COL14A1: variants seen among roughly 807,000 people sequenced by gnomAD.
COL14A1 encodes collagen type XIV alpha 1 chain, also known as collagen alpha-1(XIV) chain.
Under a neutral mutation model 230.3 loss-of-function variants are expected in COL14A1, and 136 were observed. That is an observed-to-expected ratio of 0.59 (90% confidence interval 0.51 to 0.68). The LOEUF is 0.68. Ranked by LOEUF, COL14A1 falls within the 30% of genes least tolerant of loss-of-function variation. The pLI is 0.00. For missense variants in COL14A1, 1,976 were observed against 2,215.8 expected (o/e 0.89, Z 2.17); for synonymous variants, 792 against 784.1 (o/e 1.01, Z -0.17).
chr8:120,172,601 G>A (rs1425721178), intron 5 of COL14A1, among the ~76,000 whole-genome samples: 1 of 152,142 alleles, frequency 6.6e-6, no homozygotes, highest in Admixed American at 6.5e-5. Flanking sequence ...CATTTTGGTT[G>A]CTACTAACCT....
At chr8:120,131,304 A>G (rs1010796506) in intron 1 of COL14A1, among the ~76,000 whole-genome samples, 1 of 151,774 alleles carries the variant, frequency 6.6e-6, no homozygotes, top group Admixed American at 6.6e-5. Context: ...TGCTTTCCAC[A>G]GTGGCTGAAC....
At chr8:120,342,770 C>T (rs991310245) in intron 44 of COL14A1, among the ~76,000 whole-genome samples, 3 of 152,144 alleles carry the variant, frequency 2.0e-5, no homozygotes, top group African/African-American at 7.2e-5. Context: ...GATTTTTTCT[C>T]AAGTGTTCAG....
intron 20 of COL14A1, among the ~76,000 whole-genome samples, chr8:120,246,259 C>T (rs959673302): frequency 6.6e-6 from 1 of 152,128 alleles, no homozygotes; most frequent in Non-Finnish European, 1.5e-5. Flanking sequence ...CAGACTCCCA[C>T]CAAGCCTGCA....
Position 120,289,731 on chromosome 8 carries a change from G to A in COL14A1, c.4201G>A (p.Val1401Ile). ...TGGTGTAGAAGTGCTAGGGAAAATG[G>A]TTCGATCAAGAGGACCAGGTGGAAA... ...SDGVEVLGKM[V>I]RSRGPGGNSA... The change falls in exon 34 of 48, where the codon GTT becomes ATT. Residue 1401 changes from valine to isoleucine, a missense_variant. Around this residue, in one of 3 missense-constraint regions of COL14A1, gnomAD observed 1,791 missense variants for 2,019.5 expected, o/e 0.89. Transcript: ENST00000297848. 6.2e-7 allele frequency: 1 copy of A among 1,613,880 alleles called. No individual in the cohort carries two copies. Among genetic ancestry groups the A allele is most frequent in the Non-Finnish European group, 8.5e-7 (1 of 1,179,876 alleles).
intron 40 of COL14A1, among the ~76,000 whole-genome samples, chr8:120,326,507 G>A (rs1238777358): frequency 6.6e-6 from 1 of 152,000 alleles, no homozygotes; most frequent in South Asian, 2.1e-4. Context: ...TCTTTCAAAG[G>A]CAAATTTACT....
upstream of COL14A1, among the ~76,000 whole-genome samples, chr8:120,124,493 C>A (rs377624889): frequency 4.6e-5 from 7 of 152,288 alleles, 1 homozygote; most frequent in African/African-American, 1.7e-4. Flanking sequence ...TTATGAGGTA[C>A]AACCACACGA....
In COL14A1 at chr8:120,135,604, G is replaced by T. The variant is rs183096600; in HGVS notation, c.-38+10264G>T. Among the ~76,000 whole-genome samples the T allele has an allele frequency of 2.0e-3, 305 of 152,204 alleles. 1 individual carries two copies. Among genetic ancestry groups the T allele is most frequent in the Non-Finnish European group, 3.4e-3 (233 of 68,000 alleles). On this transcript the variant is annotated intron_variant, in intron 1 of 47. Coordinates refer to ENST00000297848, the MANE Select transcript of COL14A1 (RefSeq NM_021110.4). ...AAGGAATAAGCATACTTTATAACCA[G>T]CAGTTTAACTTTTAGCAAACTGTCT...
At chr8:120,271,505 T>C (rs1819665888) in intron 26 of COL14A1, among the ~76,000 whole-genome samples, 2 of 151,746 alleles carry the variant, frequency 1.3e-5, no homozygotes, top group Admixed American at 1.3e-4. Context: ...AGGGGATTAC[T>C]CTAAATTGTG....
At chr8:120,139,167 T>C (rs1158421033) in intron 1 of COL14A1, among the ~76,000 whole-genome samples, 1 of 152,242 alleles carries the variant, frequency 6.6e-6, no homozygotes, top group Non-Finnish European at 1.5e-5. Context: ...AAAATAATAC[T>C]GTTTTATCTT....
intron 45 of COL14A1, among the ~76,000 whole-genome samples, chr8:120,366,129 G>C (rs1378212856): frequency 1.3e-5 from 2 of 152,222 alleles, no homozygotes; most frequent in Non-Finnish European, 2.9e-5. Context: ...GATGTTAAAA[G>C]TGATTATTTT....
chr8:120,277,489 A>G (rs1234960440), intron 26 of COL14A1: 1 of 152,144 alleles, frequency 6.6e-6, no homozygotes, highest in African/African-American at 2.4e-5. Flanking sequence ...TTGCAGCACT[A>G]TTCACAGTAA....
intron 2 of COL14A1, among the ~76,000 whole-genome samples, chr8:120,149,783 C>T (rs1202667678): frequency 2.6e-5 from 4 of 151,430 alleles, no homozygotes; most frequent in African/African-American, 9.7e-5. Context: ...CAACCTCTGC[C>T]TCCTGCGTTC....
At position 120,372,825 on chromosome 8, in the gene COL14A1, CA is replaced by C. The variant is rs1197201098; in HGVS notation, c.*1595del. Among the ~76,000 whole-genome samples, 1 of 148,620 alleles carries C rather than the reference CA, an allele frequency of 6.7e-6. No homozygotes were observed. Among genetic ancestry groups the C allele is most frequent in the African/African-American group, 2.5e-5 (1 of 40,476 alleles). On this transcript the variant is annotated 3_prime_UTR_variant, in exon 48 of 48. Transcript: ENST00000297848. ...CTTGTGTGCCTTTGGTGGGGTGGGG[CA>C]GGGGCGGGGGGCGGTTCTAAACAAA...
chr8:120,326,044 A>G (rs761983758), intron 40 of COL14A1, among the ~76,000 whole-genome samples: 1 of 152,198 alleles, frequency 6.6e-6, no homozygotes, highest in Non-Finnish European at 1.5e-5. Context: ...CACCAAGTTT[A>G]TTGCTTTCTG....
intron 26 of COL14A1, among the ~76,000 whole-genome samples, chr8:120,276,980 C>T (rs1586824915): frequency 6.6e-6 from 1 of 152,002 alleles, no homozygotes; most frequent in Non-Finnish European, 1.5e-5. Flanking sequence ...GATAAACTGG[C>T]AGCAGCTTAA....
At chr8:120,236,758 G>T (rs973508274) in intron 19 of COL14A1, among the ~76,000 whole-genome samples, 3 of 152,150 alleles carry the variant, frequency 2.0e-5, no homozygotes, top group African/African-American at 7.2e-5. Context: ...GCTGGTACCG[G>T]TTTTTACTTT....
At chr8:120,290,960 C>T (rs1360961314) in intron 34 of COL14A1, among the ~76,000 whole-genome samples, 1 of 152,096 alleles carries the variant, frequency 6.6e-6, no homozygotes, top group Non-Finnish European at 1.5e-5. Flanking sequence ...TTCTACTTTG[C>T]TTTGGAGAAT....
chr8:120,254,415 A>G (rs10111291), intron 22 of COL14A1, among the ~76,000 whole-genome samples: 21,022 of 152,094 alleles, frequency 0.14, 1,691 homozygotes, highest in Non-Finnish European at 0.18. Flanking sequence ...TGTTTATTCA[A>G]TCGTGTTTTG....
intron 42 of COL14A1, among the ~76,000 whole-genome samples, chr8:120,337,955 A>G (rs1822141219): frequency 6.6e-6 from 1 of 152,230 alleles, no homozygotes; most frequent in African/African-American, 2.4e-5. Flanking sequence ...AACCAGCATC[A>G]TGAGACTGAG....
Sources: allele counts gnomAD v4.1 joint callset (sites outside exome capture counted in the v4.1 genomes callset), GRCh38; gene constraint gnomAD v4.1.1; regional missense constraint gnomAD v4.1.1; transcripts MANE v1.5; gene names NCBI Gene and HGNC (gene_info 2026-07-23, HGNC 2026-07-21).